Variants in AHI1 observed in about 807,000 individuals in gnomAD.
The protein encoded by AHI1 is Abelson helper integration site 1, also known as jouberin.
A neutral mutation model predicts 149.3 loss-of-function variants in AHI1; 123 were observed. The ratio of observed to expected loss-of-function variants is 0.82; its 90% CI spans 0.71 to 0.96. The LOEUF (loss-of-function observed/expected upper bound fraction) is 0.96, where lower values mean the gene tolerates loss of function less well. Ranked by LOEUF, AHI1 falls within the 40% of genes least tolerant of loss-of-function variation. The pLI is 0.00. For missense variants in AHI1, 1,439 were observed against 1,422.7 expected (o/e 1.01, Z -0.18); for synonymous variants, 475 against 459.8 (o/e 1.03, Z -0.42).
At chr6:135,311,195 G>A (rs962865433) in intron 26 of AHI1, among the ~76,000 whole-genome samples, 1 of 151,536 alleles carries the variant, frequency 6.6e-6, no homozygotes, top group Non-Finnish European at 1.5e-5. Context: ...CAAGCCACTC[G>A]GGAGACTGAG....
chr6:135,437,313 A>G (rs551332641), intron 15 of AHI1, among the ~76,000 whole-genome samples: 12 of 152,336 alleles, frequency 7.9e-5, no homozygotes, highest in East Asian at 1.9e-4. Flanking sequence ...AAGACTTACA[A>G]ATCCAAAGTC....
At chr6:135,382,985 T>C (rs1250485286) in intron 23 of AHI1, among the ~76,000 whole-genome samples, 2 of 138,254 alleles carry the variant, frequency 1.4e-5, no homozygotes, top group Non-Finnish European at 3.1e-5. Context: ...TTTTTAAAAA[T>C]TGGATCACTT....
chr6:135,358,273 C>A lies in AHI1; in HGVS notation c.3110-86G>T, dbSNP rs756320021. The A allele has an allele frequency of 2.6e-4, 310 of 1,175,722 alleles. 1 individual carries two copies. The highest frequency in any genetic ancestry group is 3.5e-4 in the Non-Finnish European group (281 of 797,170). 72.8% of individuals were successfully genotyped at this position (1,175,722 alleles called of 1,614,324 possible). A position where few individuals can be genotyped will look rare whatever the true frequency, so the allele number is the denominator to read the frequency against. On this transcript the variant is annotated intron_variant, in intron 23 of 28. Transcript: ENST00000265602. The stretch of plus-strand genomic sequence containing the variant: ...TATTCATGCCATTTTATTGGAAAAA[C>A]ATTTATTATGACTCACACAGCTTCC...
intron 23 of AHI1, among the ~76,000 whole-genome samples, chr6:135,387,471 T>C (rs1296588011): frequency 6.6e-6 from 1 of 152,198 alleles, no homozygotes; most frequent in African/African-American, 2.4e-5. Flanking sequence ...TGTTATCTCA[T>C]TACATGCCAA....
Position 135,380,469 on chromosome 6 carries a change from G to T in AHI1, c.3109+14307C>A, listed in dbSNP as rs111229443. Among the ~76,000 whole-genome samples the T allele has an allele frequency of 9.3e-3, 1,417 of 152,230 alleles. 19 individuals carry two copies. The highest frequency in any genetic ancestry group is 0.032 in the African/African-American group (1,323 of 41,530). ...GGGGACTTGAGCATCCAAGGACCTT[G>T]CTATCTACAAAGGGTCGTAAAACCA... On this transcript the variant is annotated intron_variant, in intron 23 of 28. Transcript: ENST00000265602.
intron 20 of AHI1, among the ~76,000 whole-genome samples, chr6:135,421,313 T>C (rs898485119): frequency 2.0e-5 from 3 of 152,132 alleles, no homozygotes; most frequent in Non-Finnish European, 4.4e-5. Context: ...CAGACTGGCT[T>C]AACATAGAAT....
At chr6:135,421,512 G>A (rs1156606118) in intron 20 of AHI1, among the ~76,000 whole-genome samples, 1 of 151,990 alleles carries the variant, frequency 6.6e-6, no homozygotes, top group East Asian at 1.9e-4. Flanking sequence ...AACAAAACAA[G>A]TGCAGAAAGG....
At chr6:135,413,917 C>A (rs1338554355) in intron 20 of AHI1, among the ~76,000 whole-genome samples, 1 of 152,090 alleles carries the variant, frequency 6.6e-6, no homozygotes, top group Non-Finnish European at 1.5e-5. Flanking sequence ...GATGTAAATT[C>A]TCCCCAAATG....
chr6:135,440,611 C>T (rs1050814560), intron 14 of AHI1, among the ~76,000 whole-genome samples: 1 of 152,114 alleles, frequency 6.6e-6, no homozygotes, highest in East Asian at 1.9e-4. Flanking sequence ...GATTGTGTAC[C>T]GAAGCATTGA....
chr6:135,411,115 G>A (rs1781522986), intron 21 of AHI1, among the ~76,000 whole-genome samples: 1 of 152,138 alleles, frequency 6.6e-6, no homozygotes, highest in Non-Finnish European at 1.5e-5. Flanking sequence ...ACTAGGTGCT[G>A]GGCTAGCCTT....
At chr6:135,408,686 T>C (rs536607572) in intron 21 of AHI1, among the ~76,000 whole-genome samples, 1 of 152,236 alleles carries the variant, frequency 6.6e-6, no homozygotes, top group African/African-American at 2.4e-5. Context: ...CTAATCAAGA[T>C]ATCTATCAAG....
chr6:135,397,465 C>A (rs1326280713), intron 22 of AHI1, among the ~76,000 whole-genome samples: 6 of 151,920 alleles, frequency 3.9e-5, no homozygotes, highest in Non-Finnish European at 8.8e-5. Context: ...CAGTTTAATA[C>A]CTCCATATTG....
intron 24 of AHI1, among the ~76,000 whole-genome samples, chr6:135,343,380 G>A (rs1790669355): frequency 1.3e-5 from 2 of 151,864 alleles, no homozygotes; most frequent in South Asian, 2.1e-4. Flanking sequence ...ATTTTGCAAA[G>A]GCTGAGAAGG....
chr6:135,385,434 G>A (rs1271220056), intron 23 of AHI1, among the ~76,000 whole-genome samples: 1 of 152,202 alleles, frequency 6.6e-6, no homozygotes, highest in Non-Finnish European at 1.5e-5. Flanking sequence ...CATGTATTTA[G>A]AAGTGATCCA....
In AHI1 at chr6:135,438,417, T is replaced by C. The variant is rs374984578; in HGVS notation, c.1994A>G (p.Asp665Gly). The C allele has an allele frequency of 1.4e-5, 22 of 1,573,386 alleles. No homozygotes were observed. Among genetic ancestry groups the C allele is most frequent in the Middle Eastern group, 1.7e-4 (1 of 6,026 alleles). Residue 665 changes from aspartate (D) to glycine (G), a missense_variant, in exon 15 of 29, where the codon GAT becomes GGT. Coordinates refer to ENST00000265602, the MANE Select transcript of AHI1 (RefSeq NM_001134831.2). ...TGATGAAGTAAGGATGTAGTGATCA[T>C]CTTTTGACCAGGAAAGATCATAAAT... ...NIIYDLSWSKDDHYILTSSSD... is the reference protein window; with the variant it reads ...NIIYDLSWSKGDHYILTSSSD...
chr6:135,390,450 A>G (rs1778319952), intron 23 of AHI1, among the ~76,000 whole-genome samples: 1 of 151,324 alleles, frequency 6.6e-6, no homozygotes, highest in African/African-American at 2.5e-5. Context: ...CTCTAAAGCT[A>G]GTAAAAAAAA....
chr6:135,320,962 C>G lies in AHI1; in HGVS notation c.3328+2200G>C, dbSNP rs555965557. Reference sequence around the variant, plus strand: ...TGATCTGGAAGTTAGAAGTGCTGAGCTTATGGAACTTATATGCTGTCTTAT... The same window carrying G: ...TGATCTGGAAGTTAGAAGTGCTGAGGTTATGGAACTTATATGCTGTCTTAT... On this transcript the variant is annotated intron_variant, in intron 25 of 28. Transcript: ENST00000265602. Among the ~76,000 whole-genome samples the G allele has an allele frequency of 8.0e-4, 121 of 152,198 alleles. 1 individual carries two copies. The highest frequency in any genetic ancestry group is 1.4e-3 in the Non-Finnish European group (95 of 68,042).
intron 8 of AHI1, among the ~76,000 whole-genome samples, chr6:135,460,184 AAAAT>A (rs111242313): frequency 7.4e-4 from 113 of 152,300 alleles, no homozygotes; most frequent in African/African-American, 2.6e-3. Flanking sequence ...CCCTGTCTCA[AAAAT>A]AAATAAATAA....
chr6:135,294,698 C>T (rs1409147251), intron 27 of AHI1, among the ~76,000 whole-genome samples: 1 of 68,020 alleles, frequency 1.5e-5, no homozygotes, highest in South Asian at 6.5e-4. Context: ...TCTCCAAATG[C>T]AAAAAAAAAA....
Sources: gnomAD v4.1 joint callset for allele counts (sites outside exome capture counted in the v4.1 genomes callset) on GRCh38, gnomAD v4.1.1 for gene constraint, MANE v1.5 for transcripts, NCBI Gene and HGNC (gene_info 2026-07-23, HGNC 2026-07-21) for gene names.